The following GPR137B variants were observed in gnomAD, a reference collection of about 807,000 sequenced individuals.
The protein encoded by GPR137B is integral membrane protein GPR137B.
GPR137B carries 42 observed loss-of-function variants against 42.5 expected under a neutral mutation model. That is an observed-to-expected ratio of 0.99 (90% CI 0.77 to 1.28). The LOEUF is 1.28. Among genes scored for constraint, GPR137B ranks in the 50% most tolerant of loss-of-function variants. The pLI is 0.00. For synonymous variants in GPR137B, 218 were observed against 209.7 expected (o/e 1.04, Z -0.34); for missense variants, 487 against 493.9 (o/e 0.99, Z 0.13).
intron 2 of GPR137B, 30 bp downstream of exon 2, chr1:236,168,785 G>T: frequency 6.7e-7 from 1 of 1,486,932 alleles, no homozygotes; most frequent in East Asian, 2.3e-5. Context: ...TCTTTCTGTG[G>T]TAGAAGGGGA....
chr1:236,192,084 G>A (rs1663205968), intron 5 of GPR137B, among the ~76,000 whole-genome samples: 1 of 152,214 alleles, frequency 6.6e-6, no homozygotes, highest in African/African-American at 2.4e-5. Context: ...CATGGGCTCT[G>A]CCCAGTTTGA....
intron 2 of GPR137B, among the ~76,000 whole-genome samples, chr1:236,176,503 G>T (rs1046232454): frequency 2.6e-5 from 4 of 152,100 alleles, no homozygotes; most frequent in Non-Finnish European, 5.9e-5. Context: ...GGCCCGGGCT[G>T]CCTCATCTTC....
rs1662034728 is a variant in GPR137B, at chr1:236,156,573, T to C, written c.415-12133T>C. On this transcript the variant is annotated intron_variant, in intron 1 of 6. Coordinates refer to ENST00000366592, the MANE Select transcript of GPR137B (RefSeq NM_003272.4). The surrounding 1 kb of genome is among the most constrained non-coding windows in gnomAD (Gnocchi z 4.8). ...AGGCCCCGCCCTTGCTCGCACTGTC[T>C]TGGAGACTGAGCCTCAAATGCAGAT... Among the ~76,000 whole-genome samples the C allele has an allele frequency of 6.6e-6, 1 of 152,168 alleles. No individual in the cohort carries two copies. Among genetic ancestry groups the C allele is most frequent in the African/African-American group, 2.4e-5 (1 of 41,450 alleles).
chr1:236,174,417 G>A (rs186837546), intron 2 of GPR137B, among the ~76,000 whole-genome samples: 1 of 152,296 alleles, frequency 6.6e-6, no homozygotes, highest in African/African-American at 2.4e-5. Flanking sequence ...TCCATAGATT[G>A]AGCTGCCTCT....
rs1261675377 is a variant in GPR137B at position 236,156,280 on chromosome 1, G to A, written c.415-12426G>A. Reference sequence around the variant, plus strand: ...AGTCAAAGGTGGGAGGTGATGCGGTGAACACCTGACCATGTATTCCAGTGA... The same window carrying A: ...AGTCAAAGGTGGGAGGTGATGCGGTAAACACCTGACCATGTATTCCAGTGA... On this transcript the variant is annotated intron_variant, in intron 1 of 6. Transcript: ENST00000366592. This position sits in a 1 kb window ranked among gnomAD's most constrained non-coding sequence, Gnocchi z 4.8. 1.3e-5 allele frequency among the ~76,000 whole-genome samples: 2 copies of A among 152,240 alleles called. No individual in the cohort carries two copies. The highest frequency in any genetic ancestry group is 1.9e-4 in the East Asian group (1 of 5,204).
chr1:236,159,684 C>T (rs12072586), intron 1 of GPR137B, among the ~76,000 whole-genome samples: 3,510 of 152,162 alleles, frequency 0.023, 157 homozygotes, highest in African/African-American at 0.078. Context: ...ATCAGTGACG[C>T]GTGAACAGAC....
intron 2 of GPR137B, among the ~76,000 whole-genome samples, chr1:236,170,919 T>C (rs1410605490): frequency 6.7e-6 from 1 of 148,296 alleles, no homozygotes; most frequent in Non-Finnish European, 1.5e-5. Context: ...GAGATTGCAG[T>C]GTGTGGAGAT....
At chr1:236,190,148 C>CTTCTTTTTTTTTTTTTTTTTTTTTTT (rs61093509) in intron 5 of GPR137B, among the ~76,000 whole-genome samples, 1 of 119,402 alleles carries the variant, frequency 8.4e-6, no homozygotes, top group Non-Finnish European at 1.8e-5. Context: ...CCTGCTTCTT[C>CTTCTTTTTTTTTTTTTTTTTTTTTTT]TTTTTTTTTT....
intron 1 of GPR137B, among the ~76,000 whole-genome samples, chr1:236,154,830 G>A (rs1398493516): frequency 1.3e-5 from 2 of 152,180 alleles, no homozygotes; most frequent in African/African-American, 4.8e-5. Flanking sequence ...ACTGCCGCAC[G>A]TGGCCCGGGA....
chr1:236,178,478 G>T lies in GPR137B; in HGVS notation c.529G>T (p.Ala177Ser). Residue 177 changes from alanine to serine, a missense_variant, in exon 3 of 7, where the codon GCT becomes TCT. Physicochemically the swap from Ala to Ser is moderately conservative, Grantham distance 99. Coordinates refer to ENST00000366592, the MANE Select transcript of GPR137B (RefSeq NM_003272.4). The part of the protein sequence containing the change: ...LVFLLVNLTC[A>S]VLVKTGNWER... ...TTTCCTGTTGGTGAATTTAACCTGT[G>T]CTGTGCTGGTAAAGACGGGAAATTG... is the stretch of plus-strand genomic sequence containing the variant. 3 of 1,613,932 alleles carry T rather than the reference G, an allele frequency of 1.9e-6. No individual in the cohort carries two copies. The highest frequency in any genetic ancestry group is 2.5e-6 in the Non-Finnish European group (3 of 1,179,940).
chr1:236,158,611 G>A (rs12403964), intron 1 of GPR137B, among the ~76,000 whole-genome samples: 2,870 of 152,296 alleles, frequency 0.019, 132 homozygotes, highest in East Asian at 0.18. Context: ...TTGAACCAGC[G>A]TGTGTGATAG....
intron 1 of GPR137B, among the ~76,000 whole-genome samples, chr1:236,162,677 G>C (rs1006774581): frequency 6.6e-6 from 1 of 152,254 alleles, no homozygotes; most frequent in Admixed American, 6.5e-5. Context: ...TGGCTTCAGA[G>C]GGTGGAAGCC....
In GPR137B at chr1:236,150,049, C is replaced by T. The variant is rs577702674; in HGVS notation, c.414+7013C>T. Among the ~76,000 whole-genome samples the T allele has an allele frequency of 7.5e-6, 1 of 134,158 alleles. No individual in the cohort carries two copies. The highest frequency in any genetic ancestry group is 2.4e-4 in the South Asian group (1 of 4,178). 88.0% of individuals were successfully genotyped at this position (134,158 alleles called of 152,430 possible). A position where few individuals can be genotyped will look rare whatever the true frequency, so the allele number is the denominator to read the frequency against. On this transcript the variant is annotated intron_variant, in intron 1 of 6. Coordinates refer to ENST00000366592, the MANE Select transcript of GPR137B (RefSeq NM_003272.4). The surrounding 1 kb of genome is among the most constrained non-coding windows in gnomAD (Gnocchi z 6.2). ...TACCTGTGTGTGTGTGTGCCTGCCT[C>T]TGTGTGCCTGTGTCTGTGTGGGTCT...
rs886172846 is a variant in GPR137B, at chr1:236,168,756, G to T, written c.464+1G>T. On this transcript the variant is annotated splice_donor_variant, in intron 2 of 6. Coordinates refer to ENST00000366592, the MANE Select transcript of GPR137B (RefSeq NM_003272.4). LOFTEE classifies it high-confidence loss of function. Reference sequence around the variant, plus strand: ...ATTCTCCAGAATTACTCAAATACCGGTAAGTACTGCAGGGCATCTCTTTCT... The same window carrying T: ...ATTCTCCAGAATTACTCAAATACCGTTAAGTACTGCAGGGCATCTCTTTCT... The T allele has an allele frequency of 6.3e-7, 1 of 1,594,268 alleles. No individual in the cohort carries two copies. Among genetic ancestry groups the T allele is most frequent in the East Asian group, 2.2e-5 (1 of 44,776 alleles).
chr1:236,203,471 T>C (rs942685338), intron 5 of GPR137B, among the ~76,000 whole-genome samples: 1 of 152,220 alleles, frequency 6.6e-6, no homozygotes, highest in Non-Finnish European at 1.5e-5. Context: ...CTCCCAGTTT[T>C]GTTCTGCTTA....
intron 1 of GPR137B, among the ~76,000 whole-genome samples, chr1:236,149,964 G>T (rs975058431): frequency 2.6e-5 from 4 of 151,850 alleles, no homozygotes; most frequent in African/African-American, 4.8e-5. Context: ...GTGTGTGCCT[G>T]TGTGCACCTG....
chr1:236,154,290 C>T (rs1268550777), intron 1 of GPR137B, among the ~76,000 whole-genome samples: 2 of 133,162 alleles, frequency 1.5e-5, no homozygotes, highest in African/African-American at 6.7e-5. Flanking sequence ...TGGGTAACTC[C>T]CACCCTGCGC....
At chr1:236,166,504 T>TTATATATATACATATATATATG (rs1558483789) in intron 1 of GPR137B, among the ~76,000 whole-genome samples, 3 of 142,640 alleles carry the variant, frequency 2.1e-5, no homozygotes, top group East Asian at 4.0e-4. Context: ...ATATATATAT[T>TTATATATATACATATATATATG]TATATATATA....
intron 1 of GPR137B, among the ~76,000 whole-genome samples, chr1:236,164,069 C>G (rs1662275516): frequency 6.6e-6 from 1 of 152,038 alleles, no homozygotes; most frequent in Admixed American, 6.6e-5. Flanking sequence ...CTCCCCATGC[C>G]TCCCCACACC....
Sources: gnomAD v4.1 joint callset for allele counts (sites outside exome capture counted in the v4.1 genomes callset) on GRCh38, gnomAD v4.1.1 for gene constraint, Gnocchi (gnomAD v3.1) non-coding constraint, MANE v1.5 for transcripts, NCBI Gene and HGNC (gene_info 2026-07-23, HGNC 2026-07-21) for gene names.